FRMD5: variants seen among roughly 807,000 people sequenced by gnomAD.
FRMD5 encodes FERM domain containing 5.
FRMD5 carries 20 observed loss-of-function variants against 69.0 expected under a neutral mutation model. The observed-to-expected ratio is 0.29, with a 90% CI of 0.20 to 0.42. FRMD5 has a LOEUF of 0.42. Among genes scored for constraint, FRMD5 ranks in the 10% least tolerant of loss-of-function variants. The probability of loss-of-function intolerance (pLI) is 1.00; values close to 1 mark genes in which losing one functional copy is unlikely to be tolerated. For missense variants in FRMD5, 595 were observed against 708.6 expected (o/e 0.84, Z 1.82); for synonymous variants, 271 against 260.1 (o/e 1.04, Z -0.40).
Position 44,078,149 on chromosome 15 carries a change from A to C in FRMD5, c.102+116804T>G, listed in dbSNP as rs1175140691. On this transcript the variant is annotated intron_variant, in intron 1 of 13. Transcript: ENST00000417257. ...ATGCTTTCCAATCAAACTTTTAAAA[A>C]ATTCAAAAGGCATGATAACTGTTTT... Among the ~76,000 whole-genome samples the C allele has an allele frequency of 2.0e-5, 3 of 152,136 alleles. No individual in the cohort carries two copies. In the East Asian group the frequency reaches 5.8e-4, roughly 29 times the overall value.
chr15:44,176,628 T>A (rs2077899682), intron 1 of FRMD5, among the ~76,000 whole-genome samples: 1 of 152,156 alleles, frequency 6.6e-6, no homozygotes, highest in African/African-American at 2.4e-5. Context: ...TTGTAAATCA[T>A]CTATCTGATA....
chr15:43,966,535 G>C (rs1412809640), intron 1 of FRMD5, among the ~76,000 whole-genome samples: 1 of 152,092 alleles, frequency 6.6e-6, no homozygotes, highest in East Asian at 1.9e-4. Context: ...CTAAGAAAAG[G>C]GAGAGATTAC....
intron 4 of FRMD5, among the ~76,000 whole-genome samples, chr15:43,917,065 C>T (rs998237292): frequency 1.3e-5 from 2 of 152,086 alleles, no homozygotes; most frequent in Non-Finnish European, 2.9e-5. Flanking sequence ...CAGGCGTGAG[C>T]CACCACGCCT....
intron 1 of FRMD5, among the ~76,000 whole-genome samples, chr15:44,113,435 G>T (rs1304332862): frequency 2.0e-5 from 3 of 151,994 alleles, no homozygotes; most frequent in African/African-American, 7.3e-5. Context: ...TATTTATGGG[G>T]TATATGAGAC....
chr15:44,116,973 T>A (rs2076877613), intron 1 of FRMD5, among the ~76,000 whole-genome samples: 1 of 138,294 alleles, frequency 7.2e-6, no homozygotes, highest in Non-Finnish European at 1.6e-5. Flanking sequence ...TCCCAGCTAC[T>A]CAGGGGGTGG....
At chr15:44,162,298 C>T (rs757850382) in intron 1 of FRMD5, among the ~76,000 whole-genome samples, 4 of 146,124 alleles carry the variant, frequency 2.7e-5, no homozygotes, top group Non-Finnish European at 6.0e-5. Flanking sequence ...GATCAGGTCT[C>T]ACTATTTTGC....
intron 1 of FRMD5, among the ~76,000 whole-genome samples, chr15:44,073,284 C>T (rs997232455): frequency 1.3e-5 from 2 of 152,070 alleles, no homozygotes; most frequent in Non-Finnish European, 2.9e-5. Context: ...TCCAGACACT[C>T]TGCACACAAA....
chr15:44,138,249 C>A (rs184994501), intron 1 of FRMD5, among the ~76,000 whole-genome samples: 1 of 152,116 alleles, frequency 6.6e-6, no homozygotes, highest in East Asian at 1.9e-4. Flanking sequence ...CTGAAAATGA[C>A]CTTAAAATAA....
intron 1 of FRMD5, among the ~76,000 whole-genome samples, chr15:44,176,784 A>G (rs1048708489): frequency 6.6e-6 from 1 of 152,178 alleles, no homozygotes; most frequent in Non-Finnish European, 1.5e-5. Flanking sequence ...AAGATGCTCA[A>G]CATATTTAGT....
chr15:43,902,489 G>A (rs2089071022), intron 6 of FRMD5, among the ~76,000 whole-genome samples: 1 of 152,092 alleles, frequency 6.6e-6, no homozygotes, highest in East Asian at 1.9e-4. Flanking sequence ...CTTGGGCTGA[G>A]TGTAAACAAT....
At chr15:44,093,517 T>C (rs1038126159) in intron 1 of FRMD5, among the ~76,000 whole-genome samples, 1 of 151,850 alleles carries the variant, frequency 6.6e-6, no homozygotes, top group Non-Finnish European at 1.5e-5. Flanking sequence ...CATTAGATTA[T>C]GCAAAAGCAT....
chr15:44,173,270 G>C (rs2077835440), intron 1 of FRMD5, among the ~76,000 whole-genome samples: 1 of 152,090 alleles, frequency 6.6e-6, no homozygotes, highest in Admixed American at 6.6e-5. Context: ...TTATAGGTTT[G>C]ATACTTTAGC....
chr15:44,189,172 T>C (rs2078152565), intron 1 of FRMD5, among the ~76,000 whole-genome samples: 1 of 152,212 alleles, frequency 6.6e-6, no homozygotes, highest in South Asian at 2.1e-4. Context: ...TCTTTACAAG[T>C]TCCTGCCTCC....
At chr15:44,144,980 T>C (rs533810988) in intron 1 of FRMD5, among the ~76,000 whole-genome samples, 1 of 152,328 alleles carries the variant, frequency 6.6e-6, no homozygotes, top group South Asian at 2.1e-4. Context: ...ATAGAGTTAC[T>C]AATGAATTTG....
At chr15:43,906,219 A>G (rs544927204) in intron 5 of FRMD5, among the ~76,000 whole-genome samples, 12 of 152,320 alleles carry the variant, frequency 7.9e-5, no homozygotes, top group East Asian at 5.8e-4. Flanking sequence ...GGTCACCACA[A>G]GTAAATTTAC....
intron 1 of FRMD5, among the ~76,000 whole-genome samples, chr15:44,050,120 C>T (rs1369237732): frequency 6.6e-6 from 1 of 152,086 alleles, no homozygotes; most frequent in Non-Finnish European, 1.5e-5. Context: ...TAAACCATAT[C>T]TTTCACAAAA....
chr15:43,994,141 T>C (rs529129149), intron 1 of FRMD5, among the ~76,000 whole-genome samples: 1 of 152,330 alleles, frequency 6.6e-6, no homozygotes, highest in Non-Finnish European at 1.5e-5. Flanking sequence ...CTGATTGTTT[T>C]GTGGATCCTT....
At chr15:43,997,654 C>CTTAAG (rs10682740) in intron 1 of FRMD5, among the ~76,000 whole-genome samples, 136,890 of 151,742 alleles carry the variant, frequency 0.9, 62,291 homozygotes, top group East Asian at 1. Context: ...GATTTCTATT[C>CTTAAG]TTTTTATATT....
chr15:44,138,460 A>G (rs1157386158), intron 1 of FRMD5, among the ~76,000 whole-genome samples: 3 of 152,246 alleles, frequency 2.0e-5, no homozygotes, highest in African/African-American at 7.2e-5. Context: ...ACACTTCATC[A>G]GCAATAATGG....
Sources: gnomAD v4.1 joint callset for allele counts (sites outside exome capture counted in the v4.1 genomes callset) on GRCh38, gnomAD v4.1.1 for gene constraint, MANE v1.5 for transcripts, NCBI Gene and HGNC (gene_info 2026-07-23, HGNC 2026-07-21) for gene names.